The following VSIG4 variants were observed in gnomAD, a reference collection of about 807,000 sequenced individuals.
The protein encoded by VSIG4 is V-set and immunoglobulin domain containing 4, also known as V-set and immunoglobulin domain-containing protein 4.
In VSIG4, 34 loss-of-function variants were observed where a neutral mutation model predicts 23.4. The observed-to-expected ratio is 1.45, with a 90% CI of 1.10 to 1.93. VSIG4 has a LOEUF of 1.93. VSIG4 is among the 30% of genes most tolerant of loss of function. The pLI is 0.00. For synonymous variants in VSIG4, 169 were observed against 120.3 expected (o/e 1.41, Z -2.65); for missense variants, 433 against 310.8 (o/e 1.39, Z -2.96).
intron 1 of VSIG4, among the ~76,000 whole-genome samples, chrX:66,036,834 ATG>A (rs2085565314): frequency 2.6e-5 from 1 of 38,475 alleles, no homozygotes; most frequent in Non-Finnish European, 4.0e-5. Flanking sequence ...TATATATAAT[ATG>A]TTATATAATA....
intron 1 of VSIG4, among the ~76,000 whole-genome samples, chrX:66,035,251 G>A (rs746762041): frequency 3.2e-4 from 36 of 112,103 alleles, no homozygotes; most frequent in African/African-American, 9.7e-4. Flanking sequence ...GGAATGCTTC[G>A]AATTTGGCAG....
chrX:66,039,849 G>A, intron 1 of VSIG4, 95 bp downstream of exon 1: 1 of 1,054,490 alleles, frequency 9.5e-7, no homozygotes, highest in South Asian at 2.1e-5. Context: ...CACCTGCCCA[G>A]TAGGAATAGG....
At chrX:66,033,156 C>T (rs113148812) in intron 2 of VSIG4, among the ~76,000 whole-genome samples, 1,603 of 110,995 alleles carry the variant, frequency 0.014, 32 homozygotes, top group African/African-American at 0.051. Flanking sequence ...CATCTATCTA[C>T]AAATTAAATG....
chrX:66,034,157 G>A (rs904944051), intron 1 of VSIG4, among the ~76,000 whole-genome samples: 14 of 112,243 alleles, frequency 1.2e-4, no homozygotes, highest in Admixed American at 4.7e-4. Flanking sequence ...TGGAGAGTTT[G>A]GGTGGTAGGT....
At chrX:66,036,360 C>A (rs1468324554) in intron 1 of VSIG4, among the ~76,000 whole-genome samples, 3 of 107,380 alleles carry the variant, frequency 2.8e-5, no homozygotes, top group Non-Finnish European at 3.8e-5. Flanking sequence ...AACCACAATA[C>A]CACTGACTTG....
At chrX:66,034,620 A>G (rs746938074) in intron 1 of VSIG4, among the ~76,000 whole-genome samples, 59 of 110,818 alleles carry the variant, frequency 5.3e-4, no homozygotes, top group Non-Finnish European at 1.1e-3. Flanking sequence ...GGAAAATTTC[A>G]TCTTGAGGGG....
At position 66,027,492 on chromosome X, in the gene VSIG4, G is replaced by C; in HGVS notation, c.792C>G (p.Thr264=). 8.3e-7 allele frequency: 1 copy of C among 1,204,067 alleles called. No individual in the cohort carries two copies. Among genetic ancestry groups the C allele is most frequent in the African/African-American group, 1.7e-5 (1 of 57,765 alleles). ...CTCCAAGGTAGCCATCCATGTCAGT[G>C]GTCCAGTCCCAGGACTGCTTCACTG... ...TSTVKQSWDW[T]TDMDGYLGET... is the part of the protein sequence containing the mutation. The change falls in exon 5 of 8, where the codon ACC becomes ACG. Residue 264 remains threonine (T), a synonymous_variant. Coordinates refer to ENST00000374737, the MANE Select transcript of VSIG4 (RefSeq NM_007268.3).
chrX:66,024,475 A>G (rs983008209), intron 6 of VSIG4, among the ~76,000 whole-genome samples: 6 of 111,881 alleles, frequency 5.4e-5, no homozygotes, highest in African/African-American at 2.0e-4. Context: ...TTAGGCCCTA[A>G]CAACTATGCT....
In VSIG4 at chrX:66,028,731, G is replaced by A. The variant is rs556077412; in HGVS notation, c.695-619C>T. On this transcript the variant is annotated intron_variant, in intron 3 of 7. Transcript: ENST00000374737. Reference sequence around the variant, plus strand: ...CCCCTTCTACCTCAGAGGTAATCTTGAACATACAACCCCATTCCAGGTGCT... The same window carrying A: ...CCCCTTCTACCTCAGAGGTAATCTTAAACATACAACCCCATTCCAGGTGCT... Among the ~76,000 whole-genome samples, 14 of 109,379 alleles carry A rather than the reference G, an allele frequency of 1.3e-4. No individual in the cohort carries two copies. The South Asian group carries it at 5.7e-3, about 44-fold the overall frequency. The allele number at this position is 109,379 out of a possible 115,157, so 95.0% of individuals were successfully genotyped here. A position where few individuals can be genotyped will look rare whatever the true frequency, so the allele number is the denominator to read the frequency against.
intron 1 of VSIG4, among the ~76,000 whole-genome samples, chrX:66,038,205 GGCCGCTACAGGGTTTTTA>G (rs2085641637): frequency 9.0e-6 from 1 of 111,475 alleles, no homozygotes; most frequent in African/African-American, 3.3e-5. Flanking sequence ...AGCTTACTCT[GGCCGCTACAGGGTTTTTA>G]GCAGTGAAGC....
At chrX:66,025,243 C>T (rs1202567695) in intron 5 of VSIG4, 114 bp from the exon 6 acceptor site, 3 of 465,016 alleles carry the variant, frequency 6.5e-6, no homozygotes, top group Non-Finnish European at 1.0e-5. Context: ...TTTCCATATT[C>T]TCCTAACCTT....
intron 3 of VSIG4, among the ~76,000 whole-genome samples, chrX:66,030,399 G>C (rs2085450937): frequency 9.0e-6 from 1 of 111,702 alleles, no homozygotes; most frequent in Non-Finnish European, 1.9e-5. Flanking sequence ...ATATATGTAT[G>C]TATTAGGCTT....
intron 6 of VSIG4, among the ~76,000 whole-genome samples, chrX:66,024,623 C>T (rs1340637026): frequency 8.9e-6 from 1 of 111,989 alleles, no homozygotes; most frequent in Non-Finnish European, 1.9e-5. Context: ...CCTCTGGATC[C>T]CTTTAGCATT....
In VSIG4 at chrX:66,022,331, C is replaced by T. The variant is rs181375443; in HGVS notation, c.1132G>A (p.Ala378Thr). 3.9e-5 allele frequency: 47 copies of T among 1,211,011 alleles called. No individual in the cohort carries two copies. In the East Asian group the frequency reaches 9.5e-4, roughly 24 times the overall value. Residue 378 changes from alanine to threonine, a missense_variant, in exon 8 of 8, where the codon GCC becomes ACC. Transcript: ENST00000374737. ...AGAGGAACTGTGTCCAGCAGGCGGG[C>T]GTAGTTGCCATTGATCTGGGCGATG... ...QIIAQINGNY[A>T]RLLDTVPLDY...
intron 1 of VSIG4, among the ~76,000 whole-genome samples, chrX:66,034,772 T>C (rs621259): frequency 3.6e-5 from 1 of 27,442 alleles, no homozygotes; most frequent in Non-Finnish European, 5.5e-5. Flanking sequence ...GGGATGGGGG[T>C]GGGGGTGGGG....
chrX:66,022,506 G>A lies in VSIG4; in HGVS notation c.963-6C>T, dbSNP rs778915356. 3 of 1,209,880 alleles carry A rather than the reference G, an allele frequency of 2.5e-6. No homozygotes were observed. Among genetic ancestry groups the A allele is most frequent in the Admixed American group, 2.2e-5 (1 of 46,058 alleles). ...TGGCCTCTCTGGCATGTGCCCTATG[G>A]CCCAAGAGCCCACCACCCATAAGAA... On this transcript the variant is annotated splice_region_variant and splice_polypyrimidine_tract_variant and intron_variant, in intron 7 of 7. Transcript: ENST00000374737.
chrX:66,037,412 A>G (rs1408947637), intron 1 of VSIG4, among the ~76,000 whole-genome samples: 1 of 44,074 alleles, frequency 2.3e-5, no homozygotes, highest in Non-Finnish European at 3.5e-5. Context: ...ATATTAATAT[A>G]TAATATATAT....
chrX:66,024,609 T>C (rs2085368472), intron 6 of VSIG4, among the ~76,000 whole-genome samples: 1 of 112,204 alleles, frequency 8.9e-6, no homozygotes, highest in Non-Finnish European at 1.9e-5. Context: ...AATTACTCTC[T>C]TCTCCTCTGG....
chrX:66,032,309 G>C (rs982345899), intron 3 of VSIG4, among the ~76,000 whole-genome samples, 159 bp downstream of exon 3: 5 of 111,901 alleles, frequency 4.5e-5, no homozygotes, highest in African/African-American at 9.8e-5. Flanking sequence ...CTCTATCCCT[G>C]TTGTCCCCAG....
Sources: gnomAD v4.1 joint callset for allele counts (sites outside exome capture counted in the v4.1 genomes callset) on GRCh38, gnomAD v4.1.1 for gene constraint, MANE v1.5 for transcripts, NCBI Gene and HGNC (gene_info 2026-07-23, HGNC 2026-07-21) for gene names.